CD96: variants seen among roughly 807,000 people sequenced by gnomAD.
The protein encoded by CD96 is CD96 molecule, also known as T-cell surface protein tactile.
Under a neutral mutation model 71.3 loss-of-function variants are expected in CD96, and 70 were observed. The observed-to-expected ratio is 0.98, with a 90% CI of 0.81 to 1.20. The LOEUF (loss-of-function observed/expected upper bound fraction) is 1.20, where lower values mean the gene tolerates loss of function less well. Among genes scored for constraint, CD96 ranks in the 50% most tolerant of loss-of-function variants. The probability of loss-of-function intolerance (pLI) is 0.00; values close to 1 mark genes in which losing one functional copy is unlikely to be tolerated. For missense variants in CD96, 742 were observed against 677.5 expected, an observed-to-expected ratio of 1.10 and a Z score of -1.06; for synonymous variants, 248 against 233.0, an observed-to-expected ratio of 1.06 and a Z score of -0.59.
intron 2 of CD96, among the ~76,000 whole-genome samples, chr3:111,565,321 T>C (rs1447636214): frequency 6.6e-6 from 1 of 152,004 alleles, no homozygotes; most frequent in Non-Finnish European, 1.5e-5. Context: ...ATCTATGTAT[T>C]TTTAGTTTTG....
chr3:111,544,170 G>T (rs2107454342), intron 1 of CD96, among the ~76,000 whole-genome samples: 1 of 151,796 alleles, frequency 6.6e-6, no homozygotes, highest in Middle Eastern at 3.5e-3. Flanking sequence ...TTTTGAGATG[G>T]AGTCTCACTC....
intron 7 of CD96, among the ~76,000 whole-genome samples, chr3:111,603,842 TG>T (rs1244283306): frequency 1.3e-5 from 2 of 152,214 alleles, no homozygotes; most frequent in Non-Finnish European, 2.9e-5. Flanking sequence ...CACTGCATAT[TG>T]GTGTGGAAGA....
chr3:111,561,283 C>G lies in CD96; in HGVS notation c.419-6240C>G, dbSNP rs1935384308. Among the ~76,000 whole-genome samples the G allele has an allele frequency of 1.3e-4, 19 of 150,510 alleles. No homozygotes were observed. The South Asian group carries it at 4.1e-3, about 32-fold the overall frequency. On this transcript the variant is annotated intron_variant, in intron 2 of 13. Transcript: ENST00000352690. ...GTGTTCCTTTGGAGGAGGAGAGGCG[C>G]TCTGCGTTTTAGAGTTTCCAGTTTT...
At chr3:111,609,449 G>GA (rs370574394) in intron 8 of CD96, among the ~76,000 whole-genome samples, 46 of 147,688 alleles carry the variant, frequency 3.1e-4, no homozygotes, top group Middle Eastern at 3.4e-3. Flanking sequence ...GAACAAAACT[G>GA]AAAAAAAAAA....
chr3:111,543,945 A>G (rs1447351278), intron 1 of CD96, among the ~76,000 whole-genome samples: 1 of 152,206 alleles, frequency 6.6e-6, no homozygotes, highest in Admixed American at 6.5e-5. Flanking sequence ...TTTCTTTGTC[A>G]GAGTCAGCAG....
At chr3:111,594,700 A>G (rs1937173371) in intron 5 of CD96, 1 of 168,146 alleles carries the variant, frequency 5.9e-6, no homozygotes, top group Non-Finnish European at 1.5e-5. Flanking sequence ...CTCAGGGTTC[A>G]GGCTTTTCAG....
At chr3:111,657,511 G>T (rs898315023) in intron 14 of CD96, among the ~76,000 whole-genome samples, 1 of 151,124 alleles carries the variant, frequency 6.6e-6, no homozygotes, top group African/African-American at 2.4e-5. Context: ...GGTGGGGGTG[G>T]TGGGAACAAG....
chr3:111,577,547 A>G (rs762437941), intron 3 of CD96: 1 of 1,591,376 alleles, frequency 6.3e-7, no homozygotes, highest in South Asian at 1.1e-5. Flanking sequence ...TAAGGGTATA[A>G]AGGTATGTAA....
chr3:111,620,290 T>C (rs2107702490), intron 8 of CD96, among the ~76,000 whole-genome samples: 1 of 152,290 alleles, frequency 6.6e-6, no homozygotes, highest in Admixed American at 6.5e-5. Flanking sequence ...GTATTCCCAG[T>C]GCCAAGCACA....
At chr3:111,593,763 C>T (rs1200023080) in intron 5 of CD96, 1 of 1,614,220 alleles carries the variant, frequency 6.2e-7, no homozygotes, top group Middle Eastern at 1.6e-4. Flanking sequence ...GCCATGGTGC[C>T]CACCTGCTCC....
At chr3:111,649,186 ATTTTAATCC>A (rs1333388926) in intron 13 of CD96, among the ~76,000 whole-genome samples, 1 of 152,166 alleles carries the variant, frequency 6.6e-6, no homozygotes, top group Non-Finnish European at 1.5e-5. Flanking sequence ...CTGGAGGAAT[ATTTTAATCC>A]ACATAAAAGA....
chr3:111,614,827 T>C (rs1938149233), intron 8 of CD96, among the ~76,000 whole-genome samples: 1 of 152,142 alleles, frequency 6.6e-6, no homozygotes, highest in Non-Finnish European at 1.5e-5. Flanking sequence ...GACACACAGG[T>C]CAAGAGATAT....
chr3:111,595,613 A>G (rs1937218927), intron 5 of CD96, among the ~76,000 whole-genome samples: 1 of 152,036 alleles, frequency 6.6e-6, no homozygotes, highest in African/African-American at 2.4e-5. Context: ...CTCTTTTTTG[A>G]TGACTAGATT....
At position 111,597,375 on chromosome 3, in the gene CD96, G is replaced by C. The variant is rs148288000; in HGVS notation, c.808-745G>C. 6.6e-3 allele frequency among the ~76,000 whole-genome samples: 1,000 copies of C among 152,220 alleles called. 4 individuals are homozygous for C. The highest frequency in any genetic ancestry group is 0.02 in the Middle Eastern group (6 of 294). On this transcript the variant is annotated intron_variant, in intron 5 of 13. Transcript: ENST00000352690. ...AAAACATAACTAGCCCTGCATCTAA[G>C]TTCTCTGCTTTCATAATATAGTTAC...
At chr3:111,617,907 C>G (rs1938324992) in intron 8 of CD96, among the ~76,000 whole-genome samples, 1 of 152,196 alleles carries the variant, frequency 6.6e-6, no homozygotes, top group South Asian at 2.1e-4. Flanking sequence ...GCTGTAAAAC[C>G]CTCTTTGGAG....
At chr3:111,614,677 A>G (rs1256531229) in intron 8 of CD96, among the ~76,000 whole-genome samples, 1 of 151,780 alleles carries the variant, frequency 6.6e-6, no homozygotes, top group East Asian at 1.9e-4. Flanking sequence ...TGCCTACTCT[A>G]TGGGGGAAGT....
At chr3:111,608,132 G>T (rs1937717388) in intron 8 of CD96, among the ~76,000 whole-genome samples, 1 of 152,142 alleles carries the variant, frequency 6.6e-6, no homozygotes, top group Non-Finnish European at 1.5e-5. Flanking sequence ...TCATCTGAAG[G>T]CCTGACTGGA....
intron 3 of CD96, among the ~76,000 whole-genome samples, chr3:111,571,695 G>A (rs1935992748): frequency 6.6e-6 from 1 of 152,118 alleles, no homozygotes; most frequent in Non-Finnish European, 1.5e-5. Context: ...AAGGGAACAT[G>A]GTGTTGGCAA....
chr3:111,632,782 T>A (rs577907439), intron 10 of CD96, among the ~76,000 whole-genome samples: 1 of 152,320 alleles, frequency 6.6e-6, no homozygotes, highest in Non-Finnish European at 1.5e-5. Context: ...TGCAATACTA[T>A]ACAGTCATAA....
Sources: allele counts gnomAD v4.1 joint callset (sites outside exome capture counted in the v4.1 genomes callset), GRCh38; gene constraint gnomAD v4.1.1; transcripts MANE v1.5; gene names NCBI Gene and HGNC (gene_info 2026-07-23, HGNC 2026-07-21).